The following PXYLP1 variants were observed in gnomAD, a reference collection of about 807,000 sequenced individuals.
PXYLP1 encodes the protein acid phosphatase-like 2.
PXYLP1 carries 17 observed loss-of-function variants against 37.9 expected under a neutral mutation model. The ratio of observed to expected loss-of-function variants is 0.45; its 90% CI spans 0.31 to 0.67. PXYLP1 has a LOEUF of 0.67. Ranked by LOEUF, PXYLP1 falls within the 30% of genes least tolerant of loss-of-function variation. PXYLP1 has a pLI of 0.07. For missense variants in PXYLP1, 511 were observed against 612.0 expected (o/e 0.84, Z 1.74); for synonymous variants, 221 against 232.2 (o/e 0.95, Z 0.44).
At chr3:141,262,913 C>T (rs1941427702) in intron 2 of PXYLP1, among the ~76,000 whole-genome samples, 1 of 151,990 alleles carries the variant, frequency 6.6e-6, no homozygotes. Flanking sequence ...TTTTCTTTAC[C>T]ATTTCTTTTT....
chr3:141,288,476 G>A (rs1346669271), intron 5 of PXYLP1, among the ~76,000 whole-genome samples: 1 of 152,208 alleles, frequency 6.6e-6, no homozygotes, highest in African/African-American at 2.4e-5. Flanking sequence ...AAAGCCTTTG[G>A]CAATTAGTTC....
intron 2 of PXYLP1, among the ~76,000 whole-genome samples, chr3:141,268,661 A>G (rs1278968636): frequency 6.6e-6 from 1 of 152,228 alleles, no homozygotes; most frequent in East Asian, 1.9e-4. Flanking sequence ...ACAAGGGCAG[A>G]ATCTGAATCC....
chr3:141,279,794 C>A (rs1276907840), intron 4 of PXYLP1, among the ~76,000 whole-genome samples: 1 of 152,220 alleles, frequency 6.6e-6, no homozygotes, highest in Non-Finnish European at 1.5e-5. Context: ...ACAGTGAGCA[C>A]TGAGTTAAGA....
intron 2 of PXYLP1, among the ~76,000 whole-genome samples, chr3:141,270,724 G>A (rs980296309): frequency 2.0e-5 from 3 of 152,184 alleles, no homozygotes; most frequent in Non-Finnish European, 4.4e-5. Flanking sequence ...TGCTAAAATT[G>A]GAGTGGCCAA....
At chr3:141,274,920 C>T (rs1396593986) in intron 2 of PXYLP1, among the ~76,000 whole-genome samples, 2 of 152,168 alleles carry the variant, frequency 1.3e-5, no homozygotes, top group African/African-American at 2.4e-5. Flanking sequence ...AACGGTGGAG[C>T]ATAGGCGAGA....
chr3:141,245,569 A>C (rs1940916579), intron 1 of PXYLP1, among the ~76,000 whole-genome samples: 1 of 152,214 alleles, frequency 6.6e-6, no homozygotes, highest in African/African-American at 2.4e-5. Context: ...GAGCTATTGC[A>C]GATCACCTGG....
At chr3:141,269,686 G>A (rs6769909) in intron 2 of PXYLP1, among the ~76,000 whole-genome samples, 58,341 of 152,054 alleles carry the variant, frequency 0.38, 14,797 homozygotes, top group African/African-American at 0.72. Flanking sequence ...TTTTCATCAG[G>A]TTCTCAAAGA....
In PXYLP1 at chr3:141,256,062, A is replaced by C. The variant is rs928245239; in HGVS notation, c.-53-4061A>C. On this transcript the variant is annotated intron_variant, in intron 1 of 5. Coordinates refer to ENST00000286353, the MANE Select transcript of PXYLP1 (RefSeq NM_001037172.3). ...GGGGCCAGTGAGTAGGGGAGGGGCC[A>C]GTGGCCAGGATTTGAAAGCAGAGCC... Among the ~76,000 whole-genome samples the C allele has an allele frequency of 3.3e-5, 5 of 152,208 alleles. No individual in the cohort carries two copies. In the East Asian group the frequency reaches 9.6e-4, roughly 29 times the overall value.
Position 141,279,422 on chromosome 3 carries a change from A to G in PXYLP1, c.283A>G (p.Ile95Val), listed in dbSNP as rs893767926. The G allele has an allele frequency of 1.2e-6, 2 of 1,614,086 alleles. No individual in the cohort carries two copies. The highest frequency in any genetic ancestry group is 1.7e-6 in the Non-Finnish European group (2 of 1,180,024). ...TAAGCTGGTCTCAGTGCATGTGTTC[A>G]TTCGCCACGGAGACAGGTACCCACT... The part of the protein sequence containing the change: ...HFKLVSVHVF[I>V]RHGDRYPLYV... Residue 95 changes from isoleucine to valine, a missense_variant, in exon 4 of 6, where the codon ATT becomes GTT. Transcript: ENST00000286353.
intron 5 of PXYLP1, among the ~76,000 whole-genome samples, chr3:141,290,525 C>T (rs892540346): frequency 1.3e-5 from 2 of 152,186 alleles, no homozygotes; most frequent in African/African-American, 4.8e-5. Context: ...AGAAGGAAAG[C>T]ACTACAGAGC....
intron 2 of PXYLP1, chr3:141,272,969 T>C (rs1576596640): frequency 2.0e-6 from 2 of 984,664 alleles, no homozygotes; most frequent in Admixed American, 1.2e-4. Context: ...CACCCAGTAT[T>C]AACCATCACA....
At chr3:141,282,926 T>G (rs1329023050) in intron 4 of PXYLP1, among the ~76,000 whole-genome samples, 1 of 152,084 alleles carries the variant, frequency 6.6e-6, no homozygotes, top group African/African-American at 2.4e-5. Context: ...ATTTGAGCTA[T>G]CATGAAACAT....
At chr3:141,254,287 G>C (rs913018115) in intron 1 of PXYLP1, among the ~76,000 whole-genome samples, 11 of 152,130 alleles carry the variant, frequency 7.2e-5, no homozygotes, top group African/African-American at 2.7e-4. Context: ...CTTTCAGCTG[G>C]GACCTTCCAT....
In PXYLP1 at chr3:141,279,458, C is replaced by T. The variant is rs771370657; in HGVS notation, c.319C>T (p.Pro107Ser). 1 of 1,614,090 alleles carries T rather than the reference C, an allele frequency of 6.2e-7. No individual in the cohort carries two copies. ...AGACAGGTACCCACTGTATGTCATT[C>T]CCAAAACAAAGCGACCAGAAATTGA... ...HGDRYPLYVI[P>S]KTKRPEIDCT... Residue 107 changes from proline (P) to serine (S), a missense_variant, in exon 4 of 6, where the codon CCC becomes TCC. Transcript: ENST00000286353.
chr3:141,288,278 C>A (rs1167451433), intron 5 of PXYLP1, among the ~76,000 whole-genome samples: 1 of 152,170 alleles, frequency 6.6e-6, no homozygotes, highest in African/African-American at 2.4e-5. Flanking sequence ...TGGGAAGACC[C>A]ATTGGCCATG....
intron 2 of PXYLP1, chr3:141,267,533 C>G (rs760870090): frequency 3.3e-5 from 5 of 151,030 alleles, no homozygotes; most frequent in Non-Finnish European, 7.4e-5. Context: ...ATTTTACTTT[C>G]TGTTTGATTT....
chr3:141,258,062 G>T (rs1941304512), intron 1 of PXYLP1, among the ~76,000 whole-genome samples: 1 of 152,148 alleles, frequency 6.6e-6, no homozygotes, highest in Non-Finnish European at 1.5e-5. Context: ...GGAAGTAGTT[G>T]AGGGACAAGA....
At chr3:141,260,064 T>C in intron 1 of PXYLP1, 59 bp from the exon 2 acceptor site, 1 of 1,281,928 alleles carries the variant, frequency 7.8e-7, no homozygotes, top group Non-Finnish European at 1.1e-6. Flanking sequence ...TTATTTTCAG[T>C]TGACAAATTT....
chr3:141,245,124 A>G (rs1036100174), intron 1 of PXYLP1, among the ~76,000 whole-genome samples: 1 of 136,376 alleles, frequency 7.3e-6, no homozygotes, highest in African/African-American at 2.8e-5. Flanking sequence ...ATCTTGGTTC[A>G]CTGCATCCTC....
Sources: allele counts gnomAD v4.1 joint callset (sites outside exome capture counted in the v4.1 genomes callset), GRCh38; gene constraint gnomAD v4.1.1; transcripts MANE v1.5; gene names NCBI Gene and HGNC (gene_info 2026-07-23, HGNC 2026-07-21).